OSBPL7: variants seen among roughly 807,000 people sequenced by gnomAD.
OSBPL7 encodes oxysterol-binding protein-related protein 7.
In OSBPL7, 66 loss-of-function variants were observed where a neutral mutation model predicts 115.8. The observed-to-expected ratio is 0.57, with a 90% CI of 0.47 to 0.70. The LOEUF is 0.70. Among genes scored for constraint, OSBPL7 ranks in the 30% least tolerant of loss-of-function variants. OSBPL7 has a pLI of 0.00. For synonymous variants in OSBPL7, 441 were observed against 439.2 expected (o/e 1.00, Z -0.05); for missense variants, 902 against 1,125.5 (o/e 0.80, Z 2.84).
At chr17:47,815,620 C>T (rs2033189867) in intron 12 of OSBPL7, 1 of 493,902 alleles carries the variant, frequency 2.0e-6, no homozygotes. Context: ...ACTCCAAGCC[C>T]TCTGTGTGCA....
At position 47,816,357 on chromosome 17, in the gene OSBPL7, C is replaced by A; in HGVS notation, c.1023+31G>T. The A allele has an allele frequency of 6.7e-7, 1 of 1,489,602 alleles. No individual in the cohort carries two copies. The highest frequency in any genetic ancestry group is 9.0e-7 in the Non-Finnish European group (1 of 1,115,824). The allele number at this position is 1,489,602 out of a possible 1,614,324, so 92.3% of individuals were successfully genotyped here. ...AGTCCTCAGCTTGAAGCCCTCTCCC[C>A]GCACCAGTCACCCTGTCCCCCAGGC... On this transcript the variant is annotated intron_variant, in intron 11 of 22. Transcript: ENST00000007414. The surrounding 1 kb of genome is among the most constrained non-coding windows in gnomAD (Gnocchi z 5.8).
rs1466038217 is a variant in OSBPL7, at chr17:47,819,750, A to T, written c.234T>A (p.His78Gln). 6.2e-7 allele frequency: 1 copy of T among 1,613,998 alleles called. No individual in the cohort carries two copies. The highest frequency in any genetic ancestry group is 8.5e-7 in the Non-Finnish European group (1 of 1,180,016). The change falls in exon 4 of 23, where the codon CAT becomes CAA. Residue 78 changes from histidine (H) to glutamine (Q), a missense_variant. His to Gln is a conservative substitution (Grantham distance 24). Around this residue, in one of 3 missense-constraint regions of OSBPL7, gnomAD observed 667 missense variants for 788.7 expected, o/e 0.85. Transcript: ENST00000007414. Reference sequence around the variant, plus strand: ...TCACGTCTTGCCGGGTTGTTGCATAATGAAGGATCCCGTCCTCGAGCACAA... The same window carrying T: ...TCACGTCTTGCCGGGTTGTTGCATATTGAAGGATCCCGTCCTCGAGCACAA... Reference protein sequence around the residue: ...RYFVLEDGILHYATTRQDITK... With the variant: ...RYFVLEDGILQYATTRQDITK...
chr17:47,818,576 A>C lies in OSBPL7; in HGVS notation c.410T>G (p.Leu137Arg). 1 of 1,613,086 alleles carries C rather than the reference A, an allele frequency of 6.2e-7. No individual in the cohort carries two copies. Among genetic ancestry groups the C allele is most frequent in the Non-Finnish European group, 8.5e-7 (1 of 1,179,690 alleles). The change falls in exon 6 of 23, where the codon CTG becomes CGG. Residue 137 changes from leucine to arginine, a missense_variant. By Grantham distance (102) the Leu-to-Arg change is moderately radical (BLOSUM62 -2). This residue lies in a region of OSBPL7 where 667 missense variants were observed against 788.7 expected (regional missense o/e 0.85). Transcript: ENST00000007414. Reference protein sequence around the residue: ...QDLFQSWVAQLRAHRLAHRLD... With the variant: ...QDLFQSWVAQRRAHRLAHRLD... The stretch of plus-strand genomic sequence containing the variant: ...GCGGTGGGCTAGGCGGTGGGCACGC[A>C]GCTGCGCCACCCAGCTCTGGAATAG...
chr17:47,813,751 G>A lies in OSBPL7; in HGVS notation c.1435C>T (p.Leu479=). 1 of 1,613,336 alleles carries A rather than the reference G, an allele frequency of 6.2e-7. No homozygotes were observed. Among genetic ancestry groups the A allele is most frequent in the Non-Finnish European group, 8.5e-7 (1 of 1,179,954 alleles). ...AASGPGADVS[L]WNILRNNIGK... ...ATGTTGTTGCGCAGAATGTTCCACA[G>A]GCTCACGTCAGCCCCAGGCCCGCTG... The change falls in exon 15 of 23, where the codon CTG becomes TTG. Residue 479 remains leucine (L), a synonymous_variant. Transcript: ENST00000007414.
At chr17:47,821,505 CT>C (rs1297565878) in intron 1 of OSBPL7, among the ~76,000 whole-genome samples, 160 bp downstream of exon 1, 2 of 152,158 alleles carry the variant, frequency 1.3e-5, no homozygotes, top group Non-Finnish European at 2.9e-5. Flanking sequence ...CCCCTCACTG[CT>C]TGTGGGTAGA....
Position 47,816,673 on chromosome 17 carries a change from A to G in OSBPL7, c.818T>C (p.Val273Ala). ...CTCCAGGTAGCGAGACAGGTTGGGA[A>G]CAGAGCCATGGAGACGACCAACCTG... ...IGRVGRLHGS[V>A]PNLSRYLESR... The change falls in exon 10 of 23, where the codon GTT becomes GCT. Residue 273 changes from valine to alanine, a missense_variant. Val to Ala is a moderately conservative substitution (Grantham distance 64, BLOSUM62 0). This residue lies in a region of OSBPL7 where 667 missense variants were observed against 788.7 expected (regional missense o/e 0.85). Transcript: ENST00000007414. This position sits in a 1 kb window ranked among gnomAD's most constrained non-coding sequence, Gnocchi z 5.8. 5 of 1,614,038 alleles carry G rather than the reference A, an allele frequency of 3.1e-6. No individual in the cohort carries two copies. The highest frequency in any genetic ancestry group is 4.2e-6 in the Non-Finnish European group (5 of 1,180,008).
Position 47,820,310 on chromosome 17 carries a change from T to G in OSBPL7, c.-32A>C. The G allele has an allele frequency of 6.2e-7, 1 of 1,606,174 alleles. No individual in the cohort carries two copies. The highest frequency in any genetic ancestry group is 1.1e-5 in the South Asian group (1 of 90,032). ...GGGAGAGGCCACTCCCTGCTGGGGA[T>G]GTAGAGCAGGGAGCAGGGTGGAAGG... On this transcript the variant is annotated 5_prime_UTR_variant, in exon 2 of 23. Coordinates refer to ENST00000007414, the MANE Select transcript of OSBPL7 (RefSeq NM_145798.3).
In OSBPL7 at chr17:47,816,771, C is replaced by T. The variant is rs373488023; in HGVS notation, c.795+9G>A. On this transcript the variant is annotated intron_variant, in intron 9 of 22. Transcript: ENST00000007414. This position sits in a 1 kb window ranked among gnomAD's most constrained non-coding sequence, Gnocchi z 5.8. ...GCCCCAGCTACGTGAGGTGCATGCC[C>T]GACCTCACCCGTCCAATGGTGTCAT... The T allele has an allele frequency of 3.3e-5, 53 of 1,614,118 alleles. No individual in the cohort carries two copies. The highest frequency in any genetic ancestry group is 1.4e-4 in the South Asian group (13 of 91,074).
In OSBPL7 at chr17:47,820,362, G is replaced by A; in HGVS notation, c.-84C>T. On this transcript the variant is annotated 5_prime_UTR_variant, in exon 2 of 23. Transcript: ENST00000007414. The stretch of plus-strand genomic sequence containing the variant: ...GAAGGATGTCACCTGCTCCTGACGG[G>A]GTCCTTGAAGCAAGAGAAAGACCCC... 7.3e-7 allele frequency: 1 copy of A among 1,360,964 alleles called. No homozygotes were observed. Among genetic ancestry groups the A allele is most frequent in the East Asian group, 2.4e-5 (1 of 41,864 alleles). 84.3% of individuals were successfully genotyped at this position (1,360,964 alleles called of 1,614,324 possible).
At chr17:47,819,272 C>T (rs370027590) in intron 4 of OSBPL7, 173 bp from the exon 5 acceptor site, 10 of 597,260 alleles carry the variant, frequency 1.7e-5, no homozygotes, top group South Asian at 9.9e-5. Flanking sequence ...ATGTGCAGAA[C>T]GCTCCCCTAC....
At chr17:47,815,009 A>G in intron 13 of OSBPL7, 1 of 672,362 alleles carries the variant, frequency 1.5e-6, no homozygotes, top group Non-Finnish European at 2.4e-6. Context: ...ATGGGGATAC[A>G]AATGTCACAC....
chr17:47,814,620 C>T lies in OSBPL7; in HGVS notation c.1258-6G>A, dbSNP rs1204140776. 1 of 1,613,598 alleles carries T rather than the reference C, an allele frequency of 6.2e-7. No individual in the cohort carries two copies. The highest frequency in any genetic ancestry group is 8.5e-7 in the Non-Finnish European group (1 of 1,179,794). Reference sequence around the variant, plus strand: ...GACTCCTCCTCCTCTGAGCCCTGGGCCAGGACAGATGACAGGCCGGGCAGA... The same window carrying T: ...GACTCCTCCTCCTCTGAGCCCTGGGTCAGGACAGATGACAGGCCGGGCAGA... On this transcript the variant is annotated splice_region_variant and splice_polypyrimidine_tract_variant and intron_variant, in intron 13 of 22. Transcript: ENST00000007414.
Position 47,808,005 on chromosome 17 carries a change from C to T in OSBPL7, c.*286G>A. On this transcript the variant is annotated 3_prime_UTR_variant, in exon 23 of 23. Transcript: ENST00000007414. This position sits in a 1 kb window ranked among gnomAD's most constrained non-coding sequence, Gnocchi z 6.1. ...GAGCCAGAGTCTCCCCCAAGTACCCCAAAGGGGACAGGAATCGGAATGGTG... is the reference window on the plus strand; with the variant it reads ...GAGCCAGAGTCTCCCCCAAGTACCCTAAAGGGGACAGGAATCGGAATGGTG... The T allele has an allele frequency of 2.1e-6, 1 of 466,084 alleles. No homozygotes were observed. The highest frequency in any genetic ancestry group is 3.9e-6 in the Non-Finnish European group (1 of 253,878). The allele number at this position is 466,084 out of a possible 1,614,324, so 28.9% of individuals were successfully genotyped here.
intron 8 of OSBPL7, 166 bp downstream of exon 8, chr17:47,817,090 G>A (rs183616285): frequency 1.5e-4 from 106 of 703,962 alleles, no homozygotes; most frequent in Non-Finnish European, 2.5e-4. Context: ...TGGAGGAACA[G>A]AGACAATCTT....
Position 47,809,105 on chromosome 17 carries a change from G to A in OSBPL7, c.2141C>T (p.Thr714Met), listed in dbSNP as rs145943050. The A allele has an allele frequency of 1.6e-3, 2,521 of 1,614,092 alleles. 5 individuals carry two copies. Among genetic ancestry groups the A allele is most frequent in the Non-Finnish European group, 2.0e-3 (2,319 of 1,180,022 alleles). Residue 714 changes from threonine to methionine, a missense_variant, in exon 20 of 23, where the codon ACG becomes ATG. Thr to Met is a moderately conservative substitution (Grantham distance 81). Around this residue, in one of 3 missense-constraint regions of OSBPL7, gnomAD observed 230 missense variants for 312.7 expected, o/e 0.74. Transcript: ENST00000007414. ...KWHEGLYRGPTPGGQCIWKPN... is the reference protein window; with the variant it reads ...KWHEGLYRGPMPGGQCIWKPN... ...TTTCCAGATGCACTGGCCACCTGGC[G>A]TGGGTCCCCGGTACAGCCCCTCGTG...
At chr17:47,812,731 G>A (rs1045821549) in intron 16 of OSBPL7, among the ~76,000 whole-genome samples, 2 of 152,276 alleles carry the variant, frequency 1.3e-5, no homozygotes, top group East Asian at 1.9e-4. Flanking sequence ...GCACCCTGTC[G>A]GCCTCCGCCA....
In OSBPL7 at chr17:47,816,057, G is replaced by A; in HGVS notation, c.1119+50C>T. Reference sequence around the variant, plus strand: ...TGCCCTGGGCCTTGGCTTTCGCTGGGAGAGAAGGCACAGGAGAATCGGCCC... The same window carrying A: ...TGCCCTGGGCCTTGGCTTTCGCTGGAAGAGAAGGCACAGGAGAATCGGCCC... On this transcript the variant is annotated intron_variant, in intron 12 of 22. Coordinates refer to ENST00000007414, the MANE Select transcript of OSBPL7 (RefSeq NM_145798.3). The surrounding 1 kb of genome is among the most constrained non-coding windows in gnomAD (Gnocchi z 5.8). The A allele has an allele frequency of 1.4e-6, 2 of 1,477,542 alleles. No individual in the cohort carries two copies. The highest frequency in any genetic ancestry group is 2.5e-5 in the East Asian group (1 of 40,216). The allele number at this position is 1,477,542 out of a possible 1,614,324, so 91.5% of individuals were successfully genotyped here.
Position 47,816,756 on chromosome 17 carries a change from C to T in OSBPL7, c.795+24G>A, listed in dbSNP as rs769675660. 1.5e-5 allele frequency: 25 copies of T among 1,614,020 alleles called. 1 individual carries two copies. Among genetic ancestry groups the T allele is most frequent in the South Asian group, 5.5e-5 (5 of 91,088 alleles). Reference sequence around the variant, plus strand: ...TCCTTAGAGCATCCTGCCCCAGCTACGTGAGGTGCATGCCCGACCTCACCC... The same window carrying T: ...TCCTTAGAGCATCCTGCCCCAGCTATGTGAGGTGCATGCCCGACCTCACCC... On this transcript the variant is annotated intron_variant, in intron 9 of 22. Transcript: ENST00000007414. The surrounding 1 kb of genome is among the most constrained non-coding windows in gnomAD (Gnocchi z 5.8).
At chr17:47,818,219 C>T (rs774740495) in intron 7 of OSBPL7, 50 bp downstream of exon 7, 13 of 1,528,078 alleles carry the variant, frequency 8.5e-6, no homozygotes, top group Non-Finnish European at 1.1e-5. Flanking sequence ...CCTCCTAGAC[C>T]TGCCAGCTTG....
Sources: gnomAD v4.1 joint callset for allele counts (sites outside exome capture counted in the v4.1 genomes callset) on GRCh38, gnomAD v4.1.1 for gene constraint, gnomAD v4.1.1 regional missense constraint, Gnocchi (gnomAD v3.1) non-coding constraint, MANE v1.5 for transcripts, NCBI Gene and HGNC (gene_info 2026-07-23, HGNC 2026-07-21) for gene names.